HEPACAM2: variants seen among roughly 807,000 people sequenced by gnomAD.
HEPACAM2 encodes the protein mitotic kinetics regulator.
Under a neutral mutation model 49.6 loss-of-function variants are expected in HEPACAM2, and 49 were observed. The ratio of observed to expected loss-of-function variants is 0.99; its 90% CI spans 0.78 to 1.25. HEPACAM2 has a LOEUF of 1.25. Among genes scored for constraint, HEPACAM2 ranks in the 50% most tolerant of loss-of-function variants. The pLI is 0.00. For missense variants in HEPACAM2, 525 were observed against 557.2 expected, an observed-to-expected ratio of 0.94 and a Z score of 0.58; for synonymous variants, 197 against 202.9, an observed-to-expected ratio of 0.97 and a Z score of 0.25.
intron 2 of HEPACAM2, among the ~76,000 whole-genome samples, chr7:93,215,957 A>G (rs1225156034): frequency 2.6e-5 from 4 of 152,150 alleles, no homozygotes; most frequent in Admixed American, 1.3e-4. Flanking sequence ...CCTTTACTTT[A>G]TAGGTGGCTG....
In HEPACAM2 at chr7:93,215,431, C is replaced by A. The variant is rs1266582340; in HGVS notation, c.685G>T (p.Glu229Ter). Residue 229 changes from glutamate (E) to a stop codon, truncating the protein, a stop_gained, in exon 3 of 10, where the codon GAA (glutamate) becomes TAA (stop). Transcript: ENST00000394468. LOFTEE classifies it high-confidence loss of function. ...ATGATGGGCATAATGATATCACTTT[C>A]CATTTCACTGACAGGGTTCCTCACC... Reference protein sequence around the residue: ...CLVRNPVSEMESDIIMPIIYY... With the variant: ...CLVRNPVSEM 1.9e-6 allele frequency: 3 copies of A among 1,613,710 alleles called. No individual in the cohort carries two copies. Among genetic ancestry groups the A allele is most frequent in the Non-Finnish European group, 2.5e-6 (3 of 1,179,772 alleles).
chr7:93,211,192 A>G (rs960640728), intron 3 of HEPACAM2, among the ~76,000 whole-genome samples: 6 of 152,110 alleles, frequency 3.9e-5, no homozygotes, highest in African/African-American at 1.4e-4. Flanking sequence ...TTTTCTTTCT[A>G]GAGAAAAAGA....
At chr7:93,204,231 A>G (rs1793967366) in intron 4 of HEPACAM2, among the ~76,000 whole-genome samples, 1 of 152,174 alleles carries the variant, frequency 6.6e-6, no homozygotes, top group African/African-American at 2.4e-5. Context: ...CTATGCCCAC[A>G]TGGCCTTAGG....
chr7:93,196,949 G>C (rs1584329930), intron 7 of HEPACAM2, among the ~76,000 whole-genome samples: 1 of 152,202 alleles, frequency 6.6e-6, no homozygotes, highest in Non-Finnish European at 1.5e-5. Context: ...TAATTTCTTT[G>C]ATCCTACTGA....
intron 4 of HEPACAM2, among the ~76,000 whole-genome samples, chr7:93,207,497 A>G (rs183158299): frequency 1.3e-5 from 2 of 152,030 alleles, no homozygotes; most frequent in East Asian, 3.9e-4. Context: ...GAAGGAGAAG[A>G]GAATACAAAG....
intron 3 of HEPACAM2, among the ~76,000 whole-genome samples, chr7:93,212,909 A>C (rs887051960): frequency 6.6e-6 from 1 of 152,024 alleles, no homozygotes; most frequent in Non-Finnish European, 1.5e-5. Flanking sequence ...TTCCATTTTG[A>C]CTTTGGATTA....
At chr7:93,197,189 C>T (rs1326703303) in intron 7 of HEPACAM2, 52 bp downstream of exon 7, 3 of 1,304,394 alleles carry the variant, frequency 2.3e-6, no homozygotes, top group Admixed American at 2.2e-5. Context: ...ATTAACACAA[C>T]TAATTAACAT....
At chr7:93,222,733 G>A (rs1794473587) in intron 1 of HEPACAM2, among the ~76,000 whole-genome samples, 1 of 152,062 alleles carries the variant, frequency 6.6e-6, no homozygotes, top group African/African-American at 2.4e-5. Flanking sequence ...ATCAGATAAG[G>A]TGTAAGGCCT....
intron 2 of HEPACAM2, among the ~76,000 whole-genome samples, chr7:93,216,422 A>T (rs1353556749): frequency 6.6e-6 from 1 of 152,220 alleles, no homozygotes; most frequent in East Asian, 1.9e-4. Context: ...AAGTCAAGTC[A>T]TAGGAAAATA....
At chr7:93,212,676 AAATTTAACTACATCTCAC>A (rs1413182772) in intron 3 of HEPACAM2, among the ~76,000 whole-genome samples, 1 of 152,050 alleles carries the variant, frequency 6.6e-6, no homozygotes, top group African/African-American at 2.4e-5. Context: ...ACATGCACAC[AAATTTAACTACATCTCAC>A]ACTCTACATG....
intron 3 of HEPACAM2, 59 bp from the exon 4 acceptor site, chr7:93,208,935 A>G: frequency 2.1e-6 from 3 of 1,407,186 alleles, no homozygotes; most frequent in Non-Finnish European, 2.9e-6. Context: ...ATAGGTTTTG[A>G]GTTTGGGAGA....
In HEPACAM2 at chr7:93,219,148, C is replaced by T; in HGVS notation, c.383G>A (p.Gly128Glu). ...GNYIVKVNIQ[G>E]NGTLSASQKI... ...CTGACTGGCAGATAGAGTTCCATTTCCCTGAATGTTGACCTTCACGATGTA... is the reference window on the plus strand; with the variant it reads ...CTGACTGGCAGATAGAGTTCCATTTTCCTGAATGTTGACCTTCACGATGTA... Residue 128 changes from glycine (G) to glutamate (E), a missense_variant, in exon 2 of 10, where the codon GGA becomes GAA. Physicochemically the swap from Gly to Glu is moderately conservative, Grantham distance 98. Transcript: ENST00000394468. The T allele has an allele frequency of 6.2e-7, 1 of 1,613,932 alleles. No homozygotes were observed. The highest frequency in any genetic ancestry group is 8.5e-7 in the Non-Finnish European group (1 of 1,179,898).
chr7:93,200,910 A>G (rs1355478990), intron 4 of HEPACAM2, among the ~76,000 whole-genome samples: 1 of 152,108 alleles, frequency 6.6e-6, no homozygotes, highest in Non-Finnish European at 1.5e-5. Flanking sequence ...AGCCCTGGAC[A>G]GGGTACCATC....
chr7:93,214,264 T>C (rs1161070192), intron 3 of HEPACAM2, among the ~76,000 whole-genome samples: 1 of 152,108 alleles, frequency 6.6e-6, no homozygotes, highest in Non-Finnish European at 1.5e-5. Flanking sequence ...TAAGATGAGA[T>C]GTTGACCAAG....
intron 9 of HEPACAM2, among the ~76,000 whole-genome samples, chr7:93,191,030 G>A (rs1793531515): frequency 6.6e-6 from 1 of 151,928 alleles, no homozygotes; most frequent in African/African-American, 2.4e-5. Flanking sequence ...ATCTTAGAAA[G>A]GAGACATAAT....
At position 93,226,384 on chromosome 7, in the gene HEPACAM2, T is replaced by A. The variant is rs759174807; in HGVS notation, c.63A>T (p.Ile21=). The A allele has an allele frequency of 3.7e-6, 6 of 1,611,944 alleles. No individual in the cohort carries two copies. The highest frequency in any genetic ancestry group is 4.2e-6 in the Non-Finnish European group (5 of 1,178,834). The change falls in exon 1 of 10, where the codon ATA becomes ATT. Residue 21 remains isoleucine (I), a synonymous_variant. Transcript: ENST00000394468. ...GGGCCTTACCGAAGAGAAGGAGGTA[T>A]ATTTTGCACTGAAAGACCCCAAGTG... ...GDTLGVFQCK[I]YLLLFGACSG...
chr7:93,228,923 T>C (rs895405410), upstream of HEPACAM2, among the ~76,000 whole-genome samples: 39 of 152,038 alleles, frequency 2.6e-4, no homozygotes, highest in African/African-American at 9.2e-4. Context: ...CAGGGATTTT[T>C]ATTACCTCTC....
At chr7:93,195,963 AC>A (rs1337444363) in intron 7 of HEPACAM2, 62 bp from the exon 8 acceptor site, 1 of 1,201,692 alleles carries the variant, frequency 8.3e-7, no homozygotes, top group Admixed American at 1.8e-5. Flanking sequence ...TGTTTTTTAA[AC>A]CTTTGTAAAA....
chr7:93,204,223 A>G (rs1247366541), intron 4 of HEPACAM2, among the ~76,000 whole-genome samples: 1 of 152,180 alleles, frequency 6.6e-6, no homozygotes, highest in Non-Finnish European at 1.5e-5. Flanking sequence ...ATCTCAAACT[A>G]TGCCCACATG....
Sources: allele counts gnomAD v4.1 joint callset (sites outside exome capture counted in the v4.1 genomes callset), GRCh38; gene constraint gnomAD v4.1.1; transcripts MANE v1.5; gene names NCBI Gene and HGNC (gene_info 2026-07-23, HGNC 2026-07-21).